The following STOM variants were observed in gnomAD, a reference collection of about 807,000 sequenced individuals.
The protein encoded by STOM is erythrocyte band 7 integral membrane protein.
In STOM, 25 loss-of-function variants were observed where a neutral mutation model predicts 30.6. That is an observed-to-expected ratio of 0.82 (90% CI 0.60 to 1.14). The LOEUF is 1.14. STOM is among the 50% of genes most tolerant of loss of function. STOM has a pLI of 0.00. For synonymous variants in STOM, 118 were observed against 130.8 expected, an observed-to-expected ratio of 0.90 and a Z score of 0.67; for missense variants, 292 against 365.2, an observed-to-expected ratio of 0.80 and a Z score of 1.63.
intron 1 of STOM, among the ~76,000 whole-genome samples, chr9:121,367,194 A>G (rs984108961): frequency 2.0e-5 from 3 of 150,106 alleles, no homozygotes; most frequent in Admixed American, 2.0e-4. Context: ...GACGCAGGGA[A>G]AGGGTATTCA....
chr9:121,363,919 G>T (rs973294757), intron 1 of STOM, among the ~76,000 whole-genome samples: 2 of 152,064 alleles, frequency 1.3e-5, no homozygotes, highest in African/African-American at 2.4e-5. Context: ...AAAAACTCCT[G>T]GTGAAAATAA....
chr9:121,347,772 T>G (rs376852239), intron 6 of STOM, among the ~76,000 whole-genome samples: 105 of 152,312 alleles, frequency 6.9e-4, no homozygotes, highest in African/African-American at 2.5e-3. Flanking sequence ...ATAACCCTAC[T>G]TTTGTAAAAC....
rs772566131 is a variant in STOM, at chr9:121,370,215, C to A, written c.-28G>T. On this transcript the variant is annotated 5_prime_UTR_variant, in exon 1 of 7. Transcript: ENST00000286713. ...TGCCCGAGACGCAGTCGCACTCCCC[C>A]GTCCTCGTTGCCAAACCCGGAGCCG... 7 of 1,543,172 alleles carry A rather than the reference C, an allele frequency of 4.5e-6. No homozygotes were observed. The South Asian group carries it at 8.4e-5, about 18-fold the overall frequency.
chr9:121,356,901 T>C (rs1337023856), intron 1 of STOM, among the ~76,000 whole-genome samples: 6 of 152,094 alleles, frequency 3.9e-5, no homozygotes, highest in Admixed American at 3.9e-4. Context: ...GAGAATTGCA[T>C]GAACCCAGGA....
At chr9:121,363,337 A>G (rs1170254866) in intron 1 of STOM, among the ~76,000 whole-genome samples, 1 of 152,062 alleles carries the variant, frequency 6.6e-6, no homozygotes, top group Non-Finnish European at 1.5e-5. Context: ...GCCAAATTGA[A>G]AAGTCTTGGC....
intron 1 of STOM, among the ~76,000 whole-genome samples, chr9:121,358,394 T>C (rs1222963051): frequency 6.6e-6 from 1 of 151,676 alleles, no homozygotes; most frequent in Non-Finnish European, 1.5e-5. Context: ...AGCCTGGGGG[T>C]TCGTGGCTGC....
chr9:121,358,140 T>TAA (rs35222551), intron 1 of STOM, among the ~76,000 whole-genome samples: 1 of 134,630 alleles, frequency 7.4e-6, no homozygotes, highest in Admixed American at 7.6e-5. Context: ...GTCTCTACTT[T>TAA]AAAAAAAAAA....
intron 1 of STOM, among the ~76,000 whole-genome samples, chr9:121,365,472 T>C (rs2064493896): frequency 7.6e-6 from 1 of 131,262 alleles, no homozygotes; most frequent in South Asian, 2.9e-4. Context: ...CCTCCCACTT[T>C]TTAGGTTTTT....
intron 1 of STOM, among the ~76,000 whole-genome samples, chr9:121,369,105 G>C (rs2064535331): frequency 6.6e-6 from 1 of 152,196 alleles, no homozygotes; most frequent in South Asian, 2.1e-4. Context: ...TAATTCCTTT[G>C]ATGCTCCTGG....
chr9:121,369,729 AGAGT>A (rs1469653696), intron 1 of STOM, among the ~76,000 whole-genome samples: 6 of 151,736 alleles, frequency 4.0e-5, no homozygotes, highest in Non-Finnish European at 7.4e-5. Context: ...GGCCTTCGAG[AGAGT>A]GAGTCGGGAA....
intron 4 of STOM, among the ~76,000 whole-genome samples, chr9:121,351,243 AG>A (rs1301683390): frequency 6.6e-6 from 1 of 152,264 alleles, no homozygotes; most frequent in East Asian, 1.9e-4. Context: ...GCTACCCTGA[AG>A]GGCTCCTTCT....
intron 4 of STOM, 55 bp from the exon 5 acceptor site, chr9:121,349,378 C>T: frequency 2.0e-6 from 3 of 1,489,068 alleles, no homozygotes; most frequent in Non-Finnish European, 2.8e-6. Context: ...TTTAACATAA[C>T]TGTAAGGAAT....
At chr9:121,366,204 A>C (rs1362446051) in intron 1 of STOM, 2 of 985,262 alleles carry the variant, frequency 2.0e-6, no homozygotes, top group Middle Eastern at 5.2e-4. Context: ...CTTCAAGGAT[A>C]ATCTTCTGAA....
chr9:121,353,209 GA>G lies in STOM; in HGVS notation c.321+10del. 6.3e-7 allele frequency: 1 copy of G among 1,588,044 alleles called. No homozygotes were observed. The highest frequency in any genetic ancestry group is 8.6e-7 in the Non-Finnish European group (1 of 1,162,576). ...ACATATGATACCTCAGTTATTCAAA[GA>G]AAACCTTACCTCCTGAGGAGGAATA... is the stretch of plus-strand genomic sequence containing the variant. On this transcript the variant is annotated intron_variant, in intron 4 of 6. Transcript: ENST00000286713.
intron 1 of STOM, among the ~76,000 whole-genome samples, chr9:121,363,763 C>G (rs1372903925): frequency 6.6e-6 from 1 of 152,186 alleles, no homozygotes; most frequent in Non-Finnish European, 1.5e-5. Context: ...TGTCAGCCAA[C>G]TATTTATTTG....
In STOM at chr9:121,340,524, G is replaced by T; in HGVS notation, c.*678C>A. On this transcript the variant is annotated 3_prime_UTR_variant, in exon 7 of 7. Transcript: ENST00000286713. ...GGCAGAGGTGGGTGGATCACCTGAG[G>T]TTAGGAGTTCGTGACTAGCCTGGCC... 1 of 870,486 alleles carries T rather than the reference G, an allele frequency of 1.1e-6. No homozygotes were observed. Among genetic ancestry groups the T allele is most frequent in the Non-Finnish European group, 1.4e-6 (1 of 725,320 alleles). The allele number at this position is 870,486 out of a possible 1,614,324, so 53.9% of individuals were successfully genotyped here.
At chr9:121,350,953 A>T (rs2064333703) in intron 4 of STOM, among the ~76,000 whole-genome samples, 1 of 152,252 alleles carries the variant, frequency 6.6e-6, no homozygotes, top group Admixed American at 6.5e-5. Context: ...CCATGACATG[A>T]TGGGAAAATG....
chr9:121,352,235 C>G (rs2064345901), intron 4 of STOM, among the ~76,000 whole-genome samples: 1 of 152,160 alleles, frequency 6.6e-6, no homozygotes, highest in South Asian at 2.1e-4. Flanking sequence ...ACTTATAATA[C>G]TTAACACAAT....
chr9:121,348,962 A>C (rs2064314024), intron 5 of STOM, among the ~76,000 whole-genome samples, 158 bp downstream of exon 5: 1 of 152,158 alleles, frequency 6.6e-6, no homozygotes, highest in African/African-American at 2.4e-5. Context: ...AATGTGAAAA[A>C]TGTCCCCTCC....
Sources: allele counts gnomAD v4.1 joint callset (sites outside exome capture counted in the v4.1 genomes callset), GRCh38; gene constraint gnomAD v4.1.1; transcripts MANE v1.5; gene names NCBI Gene and HGNC (gene_info 2026-07-23, HGNC 2026-07-21).